The following ALK variants were observed in gnomAD, a reference collection of about 807,000 sequenced individuals.
ALK encodes the protein ALK tyrosine kinase receptor.
ALK carries 74 observed loss-of-function variants against 163.1 expected under a neutral mutation model. The ratio of observed to expected loss-of-function variants is 0.45; its 90% CI spans 0.38 to 0.55. The LOEUF (loss-of-function observed/expected upper bound fraction) is 0.55, where lower values mean the gene tolerates loss of function less well. Ranked by LOEUF, ALK falls within the 20% of genes least tolerant of loss-of-function variation. ALK has a pLI of 0.00. For missense variants in ALK, 2,063 were observed against 2,105.3 expected (o/e 0.98, Z 0.39); for synonymous variants, 960 against 843.2 (o/e 1.14, Z -2.40).
At chr2:29,202,424 A>G (rs904653753) in intron 26 of ALK, among the ~76,000 whole-genome samples, 4 of 152,262 alleles carry the variant, frequency 2.6e-5, no homozygotes, top group African/African-American at 4.8e-5. Context: ...AGAGTTATCT[A>G]TGTATCTAGA....
rs755124993 is a variant in ALK at position 29,275,178 on chromosome 2, G to A, written c.1962C>T (p.Asn654=). 6.2e-7 allele frequency: 1 copy of A among 1,614,194 alleles called. No individual in the cohort carries two copies. The highest frequency in any genetic ancestry group is 8.5e-7 in the Non-Finnish European group (1 of 1,180,048). Residue 654 remains asparagine (N), a synonymous_variant, in exon 11 of 29, where the codon AAC becomes AAT. Transcript: ENST00000389048. Reference sequence around the variant, plus strand: ...CCTTGTTTGGGTTTCTCTCAAACAGGTTTCTTGATTTGGGTGCTGTATTCT... The same window carrying A: ...CCTTGTTTGGGTTTCTCTCAAACAGATTTCTTGATTTGGGTGCTGTATTCT... ...ILQNTAPKSR[N]LFERNPNKEL...
chr2:29,383,625 A>G, intron 5 of ALK, 107 bp downstream of exon 5: 3 of 1,496,048 alleles, frequency 2.0e-6, no homozygotes, highest in Non-Finnish European at 2.8e-6. Flanking sequence ...CCCACTCTAG[A>G]CTTTTCTTCA....
At chr2:29,853,320 G>A (rs550955193) in intron 1 of ALK, among the ~76,000 whole-genome samples, 3 of 152,188 alleles carry the variant, frequency 2.0e-5, no homozygotes, top group Admixed American at 1.3e-4. Context: ...CCCCACACCA[G>A]TCTTACCCAT....
At chr2:29,499,369 TG>T (rs1176897276) in intron 4 of ALK, among the ~76,000 whole-genome samples, 2 of 152,158 alleles carry the variant, frequency 1.3e-5, no homozygotes, top group Admixed American at 6.5e-5. Context: ...GTTAATTTTT[TG>T]TATTTTTAGT....
intron 1 of ALK, among the ~76,000 whole-genome samples, chr2:29,896,979 A>G (rs1376754487): frequency 6.6e-6 from 1 of 152,248 alleles, no homozygotes; most frequent in Non-Finnish European, 1.5e-5. Flanking sequence ...CAGAGCTTAG[A>G]TATAGATAGA....
intron 11 of ALK, among the ~76,000 whole-genome samples, chr2:29,269,486 G>A (rs1444747532): frequency 1.3e-5 from 2 of 152,106 alleles, no homozygotes; most frequent in African/African-American, 4.8e-5. Flanking sequence ...CTCTCTTCCT[G>A]GAGCACAGCT....
At chr2:29,437,264 T>G (rs1573353247) in intron 4 of ALK, among the ~76,000 whole-genome samples, 1 of 152,084 alleles carries the variant, frequency 6.6e-6, no homozygotes, top group Admixed American at 6.6e-5. Flanking sequence ...GCTGAGTACA[T>G]CTATTTTTGA....
At chr2:29,840,289 G>T (rs932824692) in intron 1 of ALK, among the ~76,000 whole-genome samples, 61 of 152,176 alleles carry the variant, frequency 4.0e-4, no homozygotes, top group African/African-American at 1.4e-3. Context: ...TGGCAAATAG[G>T]TACATGTCCT....
At chr2:29,717,490 G>T (rs1408180638) in intron 2 of ALK, 88 bp downstream of exon 2, 1 of 1,499,486 alleles carries the variant, frequency 6.7e-7, no homozygotes, top group Non-Finnish European at 9.3e-7. Flanking sequence ...ATGCCCTGGA[G>T]CACTATGAAT....
At chr2:29,616,695 ACT>A (rs1675858486) in intron 3 of ALK, among the ~76,000 whole-genome samples, 1 of 152,076 alleles carries the variant, frequency 6.6e-6, no homozygotes. Flanking sequence ...ACTCCTCCTA[ACT>A]CTGTCTTACA....
At chr2:29,739,240 TAAAAAAAAAAAAAAAAA>T (rs57381961) in intron 1 of ALK, among the ~76,000 whole-genome samples, 2 of 40,298 alleles carry the variant, frequency 5.0e-5, no homozygotes, top group Admixed American at 8.4e-4. Flanking sequence ...CAGTCTCTCT[TAAAAAAAAAAAAAAAAA>T]AAAAAAAAAA....
intron 3 of ALK, among the ~76,000 whole-genome samples, chr2:29,580,379 C>T (rs187312681): frequency 1.6e-4 from 24 of 152,284 alleles, no homozygotes; most frequent in Non-Finnish European, 2.8e-4. Flanking sequence ...TGTCCTCTCC[C>T]GCTCCCCCTT....
At chr2:29,390,839 T>C (rs1483699784) in intron 4 of ALK, among the ~76,000 whole-genome samples, 2 of 152,230 alleles carry the variant, frequency 1.3e-5, no homozygotes, top group Admixed American at 6.5e-5. Flanking sequence ...GTAATAATAA[T>C]TACACATGGC....
At chr2:29,791,533 C>T (rs1338772908) in intron 1 of ALK, among the ~76,000 whole-genome samples, 3 of 151,980 alleles carry the variant, frequency 2.0e-5, no homozygotes, top group African/African-American at 2.4e-5. Context: ...ATGTAGATGA[C>T]GAGTTGATGG....
At position 29,901,782 on chromosome 2, in the gene ALK, G is replaced by C. The variant is rs115477478; in HGVS notation, c.667+18211C>G. 7.2e-4 allele frequency among the ~76,000 whole-genome samples: 110 copies of C among 152,242 alleles called. 1 individual carries two copies. Among genetic ancestry groups the C allele is most frequent in the African/African-American group, 2.5e-3 (104 of 41,540 alleles). ...TGGAGAGGGGGTCAGGAAGATCGCC[G>C]TATCTTCTGGTGAACATTCTCGATC... On this transcript the variant is annotated intron_variant, in intron 1 of 28. Transcript: ENST00000389048.
chr2:29,735,219 C>A (rs564744628), intron 1 of ALK, among the ~76,000 whole-genome samples: 37 of 151,668 alleles, frequency 2.4e-4, no homozygotes, highest in African/African-American at 9.0e-4. Flanking sequence ...TTGGATATAC[C>A]ATTCCCCTGT....
intron 1 of ALK, among the ~76,000 whole-genome samples, chr2:29,863,440 A>G (rs1286727873): frequency 6.6e-6 from 1 of 152,180 alleles, no homozygotes; most frequent in Non-Finnish European, 1.5e-5. Context: ...AAATGACCCA[A>G]TTTAAAAATG....
chr2:29,512,426 G>A lies in ALK; in HGVS notation c.1154+19489C>T, dbSNP rs148820363. On this transcript the variant is annotated intron_variant, in intron 4 of 28. Coordinates refer to ENST00000389048, the MANE Select transcript of ALK (RefSeq NM_004304.5). The stretch of plus-strand genomic sequence containing the variant: ...TGATTATCTCAATAGATGCAGAAAA[G>A]GCCTTTGACAAAATTCAACAAGACT... Among the ~76,000 whole-genome samples, 1,482 of 148,516 alleles carry A rather than the reference G, an allele frequency of 1.0e-2. 38 individuals carry two copies. The highest frequency in any genetic ancestry group is 0.035 in the African/African-American group (1,393 of 39,768).
At chr2:29,377,579 C>A (rs1668787215) in intron 5 of ALK, among the ~76,000 whole-genome samples, 1 of 151,646 alleles carries the variant, frequency 6.6e-6, no homozygotes, top group Admixed American at 6.6e-5. Context: ...GGCTCTGGAA[C>A]AGGTGGGTTC....
Sources: allele counts gnomAD v4.1 joint callset (sites outside exome capture counted in the v4.1 genomes callset), GRCh38; gene constraint gnomAD v4.1.1; transcripts MANE v1.5; gene names NCBI Gene and HGNC (gene_info 2026-07-23, HGNC 2026-07-21).